The following CNTNAP3B variants were observed in gnomAD, a reference collection of about 807,000 sequenced individuals.
CNTNAP3B encodes contactin associated protein family member 3B.
A neutral mutation model predicts 108.9 loss-of-function variants in CNTNAP3B; 25 were observed. The observed-to-expected ratio is 0.23, with a 90% CI of 0.17 to 0.32. CNTNAP3B has a LOEUF of 0.32. Ranked by LOEUF, CNTNAP3B falls within the 10% of genes least tolerant of loss-of-function variation. The probability of loss-of-function intolerance (pLI) is 1.00; values close to 1 mark genes in which losing one functional copy is unlikely to be tolerated. For missense variants in CNTNAP3B, 252 were observed against 1,210.4 expected, an observed-to-expected ratio of 0.21 and a Z score of 11.75; for synonymous variants, 103 against 473.4, an observed-to-expected ratio of 0.22 and a Z score of 10.16.
intron 12 of CNTNAP3B, among the ~76,000 whole-genome samples, chr9:41,954,605 C>T (rs1400877633): frequency 6.6e-6 from 1 of 152,290 alleles, no homozygotes; most frequent in African/African-American, 2.4e-5. Flanking sequence ...AAAGGAGGCT[C>T]TAAGTGTGCC....
intron 11 of CNTNAP3B, among the ~76,000 whole-genome samples, chr9:41,962,234 A>T (rs2118215906): frequency 6.6e-6 from 1 of 152,352 alleles, no homozygotes; most frequent in East Asian, 1.9e-4. Flanking sequence ...TTATACAATT[A>T]GAAATACAAA....
Position 41,953,221 on chromosome 9 carries a change from G to T in CNTNAP3B, c.2042C>A (p.Ala681Asp). The T allele has an allele frequency of 6.5e-7, 1 of 1,530,430 alleles. No individual in the cohort carries two copies. Among genetic ancestry groups the T allele is most frequent in the Non-Finnish European group, 8.7e-7 (1 of 1,148,120 alleles). 94.8% of individuals were successfully genotyped at this position (1,530,430 alleles called of 1,614,324 possible). ...NLAERCEQRL[A>D]LRCGTARRPD... ...GCGCCGCGCTGTCCCGCAGCGCAGA[G>T]CCAGCCGCTGCTCGCAGCGCTCCGC... Residue 681 changes from alanine (A) to aspartate (D), a missense_variant, in exon 13 of 24, where the codon GCT becomes GAT. Coordinates refer to ENST00000377561, the MANE Select transcript of CNTNAP3B (RefSeq NM_001201380.3).
chr9:41,946,101 T>C (rs1824527523), intron 13 of CNTNAP3B, among the ~76,000 whole-genome samples: 2 of 146,534 alleles, frequency 1.4e-5, no homozygotes, highest in South Asian at 2.2e-4. Context: ...GGGAAACTGA[T>C]AGAACTGCAA....
chr9:41,939,469 A>G (rs1455531731), intron 13 of CNTNAP3B, among the ~76,000 whole-genome samples: 1 of 151,258 alleles, frequency 6.6e-6, no homozygotes, highest in African/African-American at 2.4e-5. Flanking sequence ...CATTACCACC[A>G]CCACTATCTA....
At position 42,122,280 on chromosome 9, in the gene CNTNAP3B, A is replaced by T. The variant is rs919357694; in HGVS notation, c.85+6730T>A. Among the ~76,000 whole-genome samples the T allele has an allele frequency of 4.3e-5, 6 of 139,962 alleles. 2 individuals carry two copies. Among genetic ancestry groups the T allele is most frequent in the African/African-American group, 1.7e-4 (6 of 35,500 alleles). 91.8% of individuals were successfully genotyped at this position (139,962 alleles called of 152,430 possible). On this transcript the variant is annotated intron_variant, in intron 1 of 23. Coordinates refer to ENST00000377561, the MANE Select transcript of CNTNAP3B (RefSeq NM_001201380.3). ...ACTAGCTTAGTTTTATTATAATTTT[A>T]AAAGACCATTTGGGTTCCTTTGTTA...
At position 42,112,583 on chromosome 9, in the gene CNTNAP3B, A is replaced by G. The variant is rs563186749; in HGVS notation, c.86-7844T>C. Reference sequence around the variant, plus strand: ...GAACAGATGAGGCTTGGAAGAAGACACATAGAAACAGGTTTAAATTCTATA... The same window carrying G: ...GAACAGATGAGGCTTGGAAGAAGACGCATAGAAACAGGTTTAAATTCTATA... On this transcript the variant is annotated intron_variant, in intron 1 of 23. Coordinates refer to ENST00000377561, the MANE Select transcript of CNTNAP3B (RefSeq NM_001201380.3). Among the ~76,000 whole-genome samples the G allele has an allele frequency of 3.0e-4, 42 of 138,314 alleles. 5 individuals carry two copies. The highest frequency in any genetic ancestry group is 3.5e-3 in the Middle Eastern group (1 of 284). 90.7% of individuals were successfully genotyped at this position (138,314 alleles called of 152,430 possible). A position where few individuals can be genotyped will look rare whatever the true frequency, so the allele number is the denominator to read the frequency against.
At chr9:42,061,198 T>C (rs1205948372) in intron 3 of CNTNAP3B, among the ~76,000 whole-genome samples, 1 of 69,588 alleles carries the variant, frequency 1.4e-5, no homozygotes, top group Non-Finnish European at 2.8e-5. Flanking sequence ...TGATATGGCA[T>C]GGGTCAATTT....
chr9:42,104,606 T>C lies in CNTNAP3B; in HGVS notation c.196+23A>G. ...TCCAATGAGAGTCACCAAGGAGCAA[T>C]ACAAGGAAAAAGGCAGACTCACCAT... On this transcript the variant is annotated intron_variant, in intron 2 of 23. Coordinates refer to ENST00000377561, the MANE Select transcript of CNTNAP3B (RefSeq NM_001201380.3). 8.0e-6 allele frequency: 9 copies of C among 1,122,608 alleles called. 1 individual carries two copies. The highest frequency in any genetic ancestry group is 2.0e-5 in the Admixed American group (1 of 49,504). The allele number at this position is 1,122,608 out of a possible 1,614,324, so 69.5% of individuals were successfully genotyped here. A position where few individuals can be genotyped will look rare whatever the true frequency, so the allele number is the denominator to read the frequency against.
chr9:41,954,318 G>C (rs1205331772), intron 12 of CNTNAP3B, among the ~76,000 whole-genome samples: 3 of 152,276 alleles, frequency 2.0e-5, no homozygotes, highest in African/African-American at 4.8e-5. Flanking sequence ...TCACATCTCA[G>C]GATTTTTAAT....
At chr9:41,925,910 A>G (rs935468291) in intron 15 of CNTNAP3B, among the ~76,000 whole-genome samples, 2 of 152,270 alleles carry the variant, frequency 1.3e-5, no homozygotes, top group African/African-American at 4.8e-5. Context: ...TTAGCAGAGA[A>G]TGACAGAAAA....
chr9:41,921,773 C>G (rs1181507758), intron 17 of CNTNAP3B, among the ~76,000 whole-genome samples: 1 of 151,336 alleles, frequency 6.6e-6, no homozygotes, highest in Admixed American at 6.6e-5. Context: ...AACAAGGAGC[C>G]TGTGATGAGA....
chr9:41,949,489 C>G (rs1273587988), intron 13 of CNTNAP3B, among the ~76,000 whole-genome samples: 1 of 104,872 alleles, frequency 9.5e-6, no homozygotes, highest in Non-Finnish European at 2.1e-5. Context: ...TGCTACACAG[C>G]TACCACGTTC....
At chr9:42,043,172 C>CCTT (rs199989074) in intron 3 of CNTNAP3B, among the ~76,000 whole-genome samples, 1 of 82,564 alleles carries the variant, frequency 1.2e-5, no homozygotes, top group African/African-American at 4.7e-5. Context: ...TTCTTTTATT[C>CCTT]TTTTTTTTTT....
chr9:41,944,649 A>C (rs1427569660), intron 13 of CNTNAP3B, among the ~76,000 whole-genome samples: 43 of 151,790 alleles, frequency 2.8e-4, no homozygotes, highest in Non-Finnish European at 4.1e-4. Flanking sequence ...AAGGGCAACA[A>C]ATAAAAAAGA....
chr9:41,991,137 TAAG>T (rs1323728441), intron 8 of CNTNAP3B, among the ~76,000 whole-genome samples: 1 of 124,328 alleles, frequency 8.0e-6, no homozygotes, highest in Admixed American at 8.2e-5. Flanking sequence ...AACGAAAGAA[TAAG>T]AACTCTTGGT....
chr9:42,094,132 A>G (rs1347468951), intron 2 of CNTNAP3B, among the ~76,000 whole-genome samples: 1 of 138,590 alleles, frequency 7.2e-6, no homozygotes, highest in Non-Finnish European at 1.5e-5. Flanking sequence ...CAAGGAAGTT[A>G]GAATTGCACA....
At position 41,979,079 on chromosome 9, in the gene CNTNAP3B, G is replaced by A. The variant is rs531631456; in HGVS notation, c.1477+7089C>T. The stretch of plus-strand genomic sequence containing the variant: ...CCAGTAAACAGCCCTGGCCTTGCAG[G>A]TGTAACAGTCTAGGCCTCTGTCTTC... On this transcript the variant is annotated intron_variant, in intron 9 of 23. Transcript: ENST00000377561. Among the ~76,000 whole-genome samples the A allele has an allele frequency of 5.0e-4, 69 of 137,492 alleles. 9 individuals are homozygous for A. The highest frequency in any genetic ancestry group is 3.9e-4 in the Non-Finnish European group (25 of 64,424). 90.2% of individuals were successfully genotyped at this position (137,492 alleles called of 152,430 possible).
chr9:42,121,466 G>T (rs1350866193), intron 1 of CNTNAP3B, among the ~76,000 whole-genome samples: 1 of 138,018 alleles, frequency 7.2e-6, no homozygotes, highest in East Asian at 2.2e-4. Flanking sequence ...AAATCAAAGG[G>T]ATGAATGTCA....
chr9:41,964,646 TAAAAG>T lies in CNTNAP3B; in HGVS notation c.1650-7_1650-3del, dbSNP rs752317252. 1 of 1,481,444 alleles carries T rather than the reference TAAAAG, an allele frequency of 6.8e-7. No individual in the cohort carries two copies. The highest frequency in any genetic ancestry group is 1.4e-5 in the South Asian group (1 of 70,666). The allele number at this position is 1,481,444 out of a possible 1,614,324, so 91.8% of individuals were successfully genotyped here. On this transcript the variant is annotated splice_region_variant and splice_polypyrimidine_tract_variant and intron_variant, in intron 10 of 23. Coordinates refer to ENST00000377561, the MANE Select transcript of CNTNAP3B (RefSeq NM_001201380.3). The stretch of plus-strand genomic sequence containing the variant: ...TGCTCACAGTAGCTGGGCAAGCACC[TAAAAG>T]AAAACAGATACAACTGCTGTTTCCC...
Sources: allele counts gnomAD v4.1 joint callset (sites outside exome capture counted in the v4.1 genomes callset), GRCh38; gene constraint gnomAD v4.1.1; transcripts MANE v1.5; gene names NCBI Gene and HGNC (gene_info 2026-07-23, HGNC 2026-07-21).